Variants in FAM20B observed in about 807,000 individuals in gnomAD.
FAM20B encodes the protein glycosaminoglycan xylosylkinase.
In FAM20B, 23 loss-of-function variants were observed where a neutral mutation model predicts 43.8. The observed-to-expected ratio is 0.53, with a 90% CI of 0.38 to 0.74. FAM20B has a LOEUF of 0.74. Ranked by LOEUF, FAM20B falls within the 30% of genes least tolerant of loss-of-function variation. The pLI is 0.00. For synonymous variants in FAM20B, 178 were observed against 192.4 expected, an observed-to-expected ratio of 0.93 and a Z score of 0.62; for missense variants, 440 against 510.5, an observed-to-expected ratio of 0.86 and a Z score of 1.33.
intron 6 of FAM20B, among the ~76,000 whole-genome samples, chr1:179,066,484 T>G (rs1572559435): frequency 2.6e-5 from 4 of 152,262 alleles, no homozygotes; most frequent in Admixed American, 2.6e-4. Context: ...CTTAGGGGTC[T>G]TCAAGTTCTC....
intron 2 of FAM20B, among the ~76,000 whole-genome samples, chr1:179,047,105 T>C (rs1459459420): frequency 2.0e-5 from 3 of 152,322 alleles, no homozygotes; most frequent in Non-Finnish European, 2.9e-5. Flanking sequence ...GAGCGTGCAG[T>C]GTTAGACCAG....
Position 179,064,349 on chromosome 1 carries a change from C to A in FAM20B, c.791C>A (p.Ser264Tyr). The A allele has an allele frequency of 6.2e-7, 1 of 1,613,628 alleles. No homozygotes were observed. Among genetic ancestry groups the A allele is most frequent in the South Asian group, 1.1e-5 (1 of 91,022 alleles). ...ESYCDAVKKT[S>Y]PYDSGPRLLD... Reference sequence around the variant, plus strand: ...TACTGTGATGCTGTGAAGAAAACGTCCCCTTATGACTCTGGCCCGCGCCTC... The same window carrying A: ...TACTGTGATGCTGTGAAGAAAACGTACCCTTATGACTCTGGCCCGCGCCTC... The change falls in exon 6 of 8, where the codon TCC (serine) becomes TAC (tyrosine). Residue 264 changes from serine (S) to tyrosine (Y), a missense_variant. Transcript: ENST00000263733.
chr1:179,036,338 A>G (rs1211044719), intron 1 of FAM20B, among the ~76,000 whole-genome samples: 1 of 152,158 alleles, frequency 6.6e-6, no homozygotes, highest in Non-Finnish European at 1.5e-5. Context: ...TAACACTTTT[A>G]AAGTTATGTT....
rs777898569 is a variant in FAM20B, at chr1:179,044,055, T to C, written c.208T>C (p.Trp70Arg). 2 of 1,614,132 alleles carry C rather than the reference T, an allele frequency of 1.2e-6. No homozygotes were observed. Among genetic ancestry groups the C allele is most frequent in the Admixed American group, 3.3e-5 (2 of 60,016 alleles). The stretch of plus-strand genomic sequence containing the variant: ...GTCTCCCTGGGAGATTGCAGCCCAG[T>C]GGGTGGTTCCCCGGGAAGTGTACCC... ...LQSPWEIAAQ[W>R]VVPREVYPEE... Residue 70 changes from tryptophan to arginine, a missense_variant, in exon 2 of 8, where the codon TGG (tryptophan) becomes CGG (arginine). By Grantham distance (101) the Trp-to-Arg change is moderately radical (BLOSUM62 -3). Transcript: ENST00000263733.
intron 1 of FAM20B, among the ~76,000 whole-genome samples, chr1:179,032,097 A>C (rs897321375): frequency 6.6e-6 from 1 of 152,202 alleles, no homozygotes; most frequent in African/African-American, 2.4e-5. Context: ...ACTAATTACT[A>C]CTAAACTCTT....
At chr1:179,037,726 A>T (rs958638717) in intron 1 of FAM20B, among the ~76,000 whole-genome samples, 3 of 151,908 alleles carry the variant, frequency 2.0e-5, no homozygotes, top group Non-Finnish European at 1.5e-5. Context: ...ACCTCAGGTG[A>T]TCTGCCTGCC....
intron 1 of FAM20B, among the ~76,000 whole-genome samples, chr1:179,041,462 C>T (rs982541751): frequency 3.0e-4 from 45 of 152,206 alleles, no homozygotes; most frequent in African/African-American, 1.1e-3. Context: ...GAGACCAGCC[C>T]GGCCAACACG....
At position 179,064,012 on chromosome 1, in the gene FAM20B, T is replaced by C. The variant is rs137932051; in HGVS notation, c.660T>C (p.Ser220=). 8 of 1,613,936 alleles carry C rather than the reference T, an allele frequency of 5.0e-6. No homozygotes were observed. The African/African-American group carries it at 1.1e-4, about 22-fold the overall frequency. ...ACADGDIMEG[S]VTLWLPDVWP... ...CTGATGGAGACATAATGGAGGGATC[T>C]GTCACACTTTGGCTTCCAGATGTGT... The change falls in exon 5 of 8, where the codon TCT becomes TCC. Residue 220 remains serine (S), a synonymous_variant. Coordinates refer to ENST00000263733, the MANE Select transcript of FAM20B (RefSeq NM_014864.4).
intron 3 of FAM20B, among the ~76,000 whole-genome samples, chr1:179,054,324 T>C (rs982928122): frequency 1.3e-5 from 2 of 152,214 alleles, no homozygotes; most frequent in Non-Finnish European, 2.9e-5. Context: ...ATTTGTCTTA[T>C]TCTTTTTGCT....
chr1:179,058,881 GA>G (rs1305893949), intron 4 of FAM20B, among the ~76,000 whole-genome samples: 2 of 152,126 alleles, frequency 1.3e-5, no homozygotes, highest in African/African-American at 4.8e-5. Context: ...TGAGAGAGAA[GA>G]AAAAATTAAG....
intron 1 of FAM20B, among the ~76,000 whole-genome samples, chr1:179,037,601 C>T (rs184625795): frequency 1.6e-3 from 247 of 150,804 alleles, no homozygotes; most frequent in Non-Finnish European, 3.2e-3. Flanking sequence ...TGTCTCCTGC[C>T]TCAGCCTCCT....
chr1:179,049,272 G>A (rs1366875059), intron 2 of FAM20B, among the ~76,000 whole-genome samples: 1 of 152,114 alleles, frequency 6.6e-6, no homozygotes, highest in East Asian at 1.9e-4. Context: ...AATATTGTAA[G>A]TAAGGAATCT....
intron 1 of FAM20B, among the ~76,000 whole-genome samples, chr1:179,042,573 G>A (rs1650590630): frequency 6.6e-6 from 1 of 152,150 alleles, no homozygotes; most frequent in South Asian, 2.1e-4. Flanking sequence ...TGGTGAGCAG[G>A]GGGTGTGTTT....
At chr1:179,071,408 T>TA (rs1164372436) in intron 7 of FAM20B, among the ~76,000 whole-genome samples, 1 of 152,222 alleles carries the variant, frequency 6.6e-6, no homozygotes, top group Non-Finnish European at 1.5e-5. Flanking sequence ...GATTAACGTC[T>TA]AAGGATCCTC....
intron 1 of FAM20B, among the ~76,000 whole-genome samples, chr1:179,026,339 G>C (rs1282889426): frequency 1.3e-5 from 2 of 151,906 alleles, no homozygotes; most frequent in African/African-American, 4.8e-5. Flanking sequence ...CGGGCCGCGT[G>C]TCCCTGTGTG....
chr1:179,049,468 T>C (rs1408845107), intron 2 of FAM20B, among the ~76,000 whole-genome samples: 1 of 152,228 alleles, frequency 6.6e-6, no homozygotes, highest in Non-Finnish European at 1.5e-5. Context: ...TAACAAAGAT[T>C]GAGTTATATC....
At chr1:179,051,946 C>T (rs1415175765) in intron 3 of FAM20B, among the ~76,000 whole-genome samples, 1 of 151,714 alleles carries the variant, frequency 6.6e-6, no homozygotes, top group African/African-American at 2.4e-5. Context: ...CCACGCCCAG[C>T]CTAAAAATGA....
intron 4 of FAM20B, among the ~76,000 whole-genome samples, chr1:179,055,728 G>A (rs1335845984): frequency 1.3e-5 from 2 of 152,162 alleles, no homozygotes; most frequent in East Asian, 3.9e-4. Flanking sequence ...TGTATGAAGT[G>A]TGGGTAAGGG....
At chr1:179,027,290 C>G (rs1168804462) in intron 1 of FAM20B, among the ~76,000 whole-genome samples, 1 of 152,200 alleles carries the variant, frequency 6.6e-6, no homozygotes, top group Non-Finnish European at 1.5e-5. Flanking sequence ...TTCTAAAAAT[C>G]TGGTTAGAGA....
Sources: allele counts gnomAD v4.1 joint callset (sites outside exome capture counted in the v4.1 genomes callset), GRCh38; gene constraint gnomAD v4.1.1; transcripts MANE v1.5; gene names NCBI Gene and HGNC (gene_info 2026-07-23, HGNC 2026-07-21).